TRPC4: variants seen among roughly 807,000 people sequenced by gnomAD.
TRPC4 encodes the protein transient receptor potential cation channel subfamily C member 4.
A neutral mutation model predicts 99.4 loss-of-function variants in TRPC4; 49 were observed. That is an observed-to-expected ratio of 0.49 (90% CI 0.39 to 0.63). The LOEUF (loss-of-function observed/expected upper bound fraction) is 0.63. Ranked by LOEUF, TRPC4 falls within the 20% of genes least tolerant of loss-of-function variation. The pLI, the probability that TRPC4 is intolerant of heterozygous loss-of-function variation, is 0.00. For missense variants in TRPC4, 898 were observed against 1,152.9 expected, an observed-to-expected ratio of 0.78 and a Z score of 3.20; for synonymous variants, 454 against 425.9, an observed-to-expected ratio of 1.07 and a Z score of -0.81.
chr13:37,822,424 C>G (rs1306211758), intron 1 of TRPC4, among the ~76,000 whole-genome samples: 1 of 151,138 alleles, frequency 6.6e-6, no homozygotes, highest in African/African-American at 2.4e-5. Context: ...ATCCCTCCCC[C>G]CCCACCCCAC....
chr13:37,681,130 T>G (rs1427088665), intron 4 of TRPC4, among the ~76,000 whole-genome samples: 1 of 152,208 alleles, frequency 6.6e-6, no homozygotes, highest in Non-Finnish European at 1.5e-5. Context: ...TTCGACTTCC[T>G]TCATAGCTGA....
At chr13:37,752,498 T>G (rs73168473) in intron 2 of TRPC4, among the ~76,000 whole-genome samples, 4 of 151,898 alleles carry the variant, frequency 2.6e-5, no homozygotes, top group Non-Finnish European at 5.9e-5. Context: ...CGGTCACAGA[T>G]AGTGAAACAA....
At position 37,805,000 on chromosome 13, in the gene TRPC4, T is replaced by C. The variant is rs115481842; in HGVS notation, c.-27-21640A>G. Among the ~76,000 whole-genome samples, 475 of 152,208 alleles carry C rather than the reference T, an allele frequency of 3.1e-3. 3 individuals are homozygous for C. The highest frequency in any genetic ancestry group is 0.011 in the African/African-American group (453 of 41,556). Reference sequence around the variant, plus strand: ...TGCCATGATATTCTCAAATGGTTGATATTTTATTTTTATATGGCATAGATT... The same window carrying C: ...TGCCATGATATTCTCAAATGGTTGACATTTTATTTTTATATGGCATAGATT... On this transcript the variant is annotated intron_variant, in intron 1 of 10. Coordinates refer to ENST00000379705, the MANE Select transcript of TRPC4 (RefSeq NM_016179.4).
chr13:37,689,970 G>A (rs935260209), intron 4 of TRPC4, among the ~76,000 whole-genome samples: 17 of 152,088 alleles, frequency 1.1e-4, no homozygotes, highest in Admixed American at 9.2e-4. Context: ...TTTCATTGAT[G>A]GTATCAAGGA....
chr13:37,666,990 G>A (rs2985172), intron 5 of TRPC4, among the ~76,000 whole-genome samples: 148,961 of 152,288 alleles, frequency 0.98, 72,930 homozygotes, highest in East Asian at 1. Flanking sequence ...CCACTGGGAT[G>A]TCTCACAGGC....
intron 1 of TRPC4, among the ~76,000 whole-genome samples, chr13:37,815,219 C>A (rs190733227): frequency 6.6e-6 from 1 of 151,882 alleles, no homozygotes; most frequent in East Asian, 1.9e-4. Context: ...TCAAACTATA[C>A]ATAATAACTA....
At chr13:37,851,980 T>A (rs765994172) in intron 1 of TRPC4, among the ~76,000 whole-genome samples, 1 of 152,158 alleles carries the variant, frequency 6.6e-6, no homozygotes, top group South Asian at 2.1e-4. Context: ...ATCCCAGTGG[T>A]CAGAACTCAA....
At chr13:37,644,568 A>G (rs1951812114) in intron 8 of TRPC4, among the ~76,000 whole-genome samples, 1 of 152,136 alleles carries the variant, frequency 6.6e-6, no homozygotes, top group Non-Finnish European at 1.5e-5. Context: ...ACAATATCAC[A>G]TAGAAATTTC....
At chr13:37,786,869 A>AT (rs923096961) in intron 1 of TRPC4, among the ~76,000 whole-genome samples, 4 of 152,172 alleles carry the variant, frequency 2.6e-5, no homozygotes, top group South Asian at 2.1e-4. Flanking sequence ...CTGAGATGTT[A>AT]TTTTTTATGA....
intron 1 of TRPC4, among the ~76,000 whole-genome samples, chr13:37,826,495 C>T (rs1203124270): frequency 3.4e-5 from 5 of 147,148 alleles, no homozygotes; most frequent in Admixed American, 6.9e-5. Context: ...TCAGCATTTG[C>T]TTGTCTGTAA....
At chr13:37,818,094 C>T (rs1231730114) in intron 1 of TRPC4, among the ~76,000 whole-genome samples, 1 of 151,822 alleles carries the variant, frequency 6.6e-6, no homozygotes, top group Admixed American at 6.6e-5. Flanking sequence ...ATAGCGTGAA[C>T]AGACAGCCTA....
intron 1 of TRPC4, among the ~76,000 whole-genome samples, chr13:37,794,370 G>A (rs1203404318): frequency 6.6e-6 from 1 of 152,058 alleles, no homozygotes; most frequent in African/African-American, 2.4e-5. Context: ...TGATGACTTC[G>A]AAAGCTAACA....
intron 1 of TRPC4, among the ~76,000 whole-genome samples, chr13:37,827,027 C>G (rs1958246961): frequency 6.6e-6 from 1 of 152,046 alleles, no homozygotes; most frequent in African/African-American, 2.4e-5. Flanking sequence ...TTCGTTTCAT[C>G]TTCCATTGCT....
chr13:37,670,028 A>C (rs1593474962), intron 5 of TRPC4, among the ~76,000 whole-genome samples: 1 of 152,128 alleles, frequency 6.6e-6, no homozygotes, highest in East Asian at 1.9e-4. Context: ...ATAAGGAGAC[A>C]CACCAAAGTT....
chr13:37,758,401 T>G (rs2139227198), intron 2 of TRPC4, among the ~76,000 whole-genome samples: 1 of 151,942 alleles, frequency 6.6e-6, no homozygotes, highest in South Asian at 2.1e-4. Flanking sequence ...ATTTCATCAC[T>G]ATTCCTAGAA....
chr13:37,837,136 G>A (rs1566211562), intron 1 of TRPC4, among the ~76,000 whole-genome samples: 5 of 152,248 alleles, frequency 3.3e-5, no homozygotes, highest in Admixed American at 2.0e-4. Context: ...TTCAGAAGAT[G>A]TATAGAAACA....
At chr13:37,804,524 T>G (rs1184803034) in intron 1 of TRPC4, among the ~76,000 whole-genome samples, 4 of 152,126 alleles carry the variant, frequency 2.6e-5, no homozygotes, top group African/African-American at 9.7e-5. Context: ...GTGTTACTTT[T>G]ATAGAGAAAT....
At position 37,738,554 on chromosome 13, in the gene TRPC4, A is replaced by C. The variant is rs1383611071; in HGVS notation, c.897+7383T>G. Among the ~76,000 whole-genome samples, 4 of 152,312 alleles carry C rather than the reference A, an allele frequency of 2.6e-5. No individual in the cohort carries two copies. The East Asian group carries it at 7.7e-4, about 29-fold the overall frequency. On this transcript the variant is annotated intron_variant, in intron 3 of 10. Transcript: ENST00000379705. Reference sequence around the variant, plus strand: ...AAAAAGTTTCAAAGATGTGGTGAACATCCCAGATGTTCTGATTTAACTAGT... The same window carrying C: ...AAAAAGTTTCAAAGATGTGGTGAACCTCCCAGATGTTCTGATTTAACTAGT...
intron 2 of TRPC4, among the ~76,000 whole-genome samples, chr13:37,763,845 G>T (rs909594402): frequency 2.0e-5 from 3 of 151,542 alleles, no homozygotes. Context: ...AAATTTTGAC[G>T]TTGGAGGTAG....
Sources: gnomAD v4.1 joint callset for allele counts (sites outside exome capture counted in the v4.1 genomes callset) on GRCh38, gnomAD v4.1.1 for gene constraint, MANE v1.5 for transcripts, NCBI Gene and HGNC (gene_info 2026-07-23, HGNC 2026-07-21) for gene names.